DTNA: variants seen among roughly 807,000 people sequenced by gnomAD.
The protein encoded by DTNA is dystrobrevin alpha, also known as dystrophin-related protein 3.
Under a neutral mutation model 100.7 loss-of-function variants are expected in DTNA, and 43 were observed. The observed-to-expected ratio is 0.43, with a 90% CI of 0.33 to 0.55. The LOEUF (loss-of-function observed/expected upper bound fraction) is 0.55. Among genes scored for constraint, DTNA ranks in the 20% least tolerant of loss-of-function variants. DTNA has a pLI of 0.04. For synonymous variants in DTNA, 349 were observed against 347.9 expected (o/e 1.00, Z -0.04); for missense variants, 798 against 953.9 (o/e 0.84, Z 2.15).
At chr18:34,534,740 G>A (rs903902608) in intron 1 of DTNA, among the ~76,000 whole-genome samples, 16 of 152,160 alleles carry the variant, frequency 1.1e-4, no homozygotes, top group African/African-American at 2.9e-4. Context: ...GAGAATATGA[G>A]TGTTTGGTTT....
intron 1 of DTNA, among the ~76,000 whole-genome samples, chr18:34,583,323 C>A (rs28437228): frequency 1.3e-5 from 2 of 151,896 alleles, no homozygotes. Context: ...TCATGTTGCC[C>A]CCGTTGGCCC....
intron 5 of DTNA, among the ~76,000 whole-genome samples, 192 bp downstream of exon 5, chr18:34,806,496 A>G (rs1455510751): frequency 1.3e-5 from 2 of 152,224 alleles, no homozygotes; most frequent in East Asian, 3.9e-4. Context: ...TGCTAATGAA[A>G]TGAATGTTTT....
chr18:34,678,817 AC>A (rs1192532176), intron 1 of DTNA, among the ~76,000 whole-genome samples: 1 of 152,128 alleles, frequency 6.6e-6, no homozygotes, highest in Non-Finnish European at 1.5e-5. Flanking sequence ...AGCTTATAAA[AC>A]CATTCAGCTT....
chr18:34,697,719 G>C (rs531299603), intron 1 of DTNA, among the ~76,000 whole-genome samples: 1 of 152,096 alleles, frequency 6.6e-6, no homozygotes, highest in Non-Finnish European at 1.5e-5. Context: ...TGCAGGAGGA[G>C]GTGACAACTT....
chr18:34,868,649 T>C, intron 17 of DTNA: 1 of 985,468 alleles, frequency 1.0e-6, no homozygotes, highest in Non-Finnish European at 1.2e-6. Context: ...TAGTGTTTTA[T>C]TATACTGGCA....
chr18:34,662,847 C>T (rs890923384), intron 1 of DTNA: 1 of 152,154 alleles, frequency 6.6e-6, no homozygotes, highest in East Asian at 1.9e-4. Flanking sequence ...TATGCCCTTC[C>T]TTTTAGGACA....
chr18:34,686,350 G>C (rs796129818), intron 1 of DTNA, among the ~76,000 whole-genome samples: 4 of 152,194 alleles, frequency 2.6e-5, no homozygotes, highest in Admixed American at 1.3e-4. Context: ...TAGCATGAAG[G>C]GGTGTTGAAT....
intron 3 of DTNA, among the ~76,000 whole-genome samples, chr18:34,793,401 C>A (rs1402319565): frequency 6.6e-6 from 1 of 152,204 alleles, no homozygotes; most frequent in Non-Finnish European, 1.5e-5. Flanking sequence ...TTGTTCTTGA[C>A]CAGCCTAGTT....
At chr18:34,594,669 C>T (rs1216920431) in intron 1 of DTNA, among the ~76,000 whole-genome samples, 1 of 152,108 alleles carries the variant, frequency 6.6e-6, no homozygotes, top group African/African-American at 2.4e-5. Flanking sequence ...CTGTGTCACT[C>T]TTCTAAAATG....
chr18:34,503,407 C>T (rs2040150268), intron 1 of DTNA, among the ~76,000 whole-genome samples: 1 of 151,024 alleles, frequency 6.6e-6, no homozygotes, highest in Non-Finnish European at 1.5e-5. Context: ...CCAGCCTCAG[C>T]CTCCCGAGTA....
intron 1 of DTNA, among the ~76,000 whole-genome samples, chr18:34,582,735 A>G (rs1168735681): frequency 2.0e-5 from 3 of 152,182 alleles, no homozygotes; most frequent in African/African-American, 4.8e-5. Context: ...AGGTAGCTTC[A>G]ATGTTGATGG....
At chr18:34,725,948 G>T (rs1298995626) in intron 1 of DTNA, among the ~76,000 whole-genome samples, 3 of 152,100 alleles carry the variant, frequency 2.0e-5, no homozygotes, top group Non-Finnish European at 4.4e-5. Flanking sequence ...ATCCTTTTCG[G>T]GGACATGTAT....
chr18:34,796,587 G>A (rs566281846), intron 4 of DTNA, among the ~76,000 whole-genome samples: 45 of 151,990 alleles, frequency 3.0e-4, no homozygotes, highest in Non-Finnish European at 5.3e-4. Context: ...CCCATTTGTC[G>A]TATTTTAAAT....
At chr18:34,588,045 G>A (rs1010533733) in intron 1 of DTNA, among the ~76,000 whole-genome samples, 6 of 152,094 alleles carry the variant, frequency 3.9e-5, no homozygotes, top group South Asian at 2.1e-4. Context: ...TTGTATAGAC[G>A]AGTAAAACTG....
intron 1 of DTNA, among the ~76,000 whole-genome samples, chr18:34,676,643 T>C (rs1288372141): frequency 1.3e-5 from 2 of 152,150 alleles, no homozygotes; most frequent in South Asian, 2.1e-4. Context: ...GAGACCAGCC[T>C]GGGCAACATA....
intron 1 of DTNA, among the ~76,000 whole-genome samples, chr18:34,751,642 C>G (rs1024660813): frequency 6.6e-6 from 1 of 152,232 alleles, no homozygotes; most frequent in African/African-American, 2.4e-5. Context: ...CCTTCCTCCA[C>G]TCTTTTTCAT....
intron 1 of DTNA, among the ~76,000 whole-genome samples, chr18:34,555,859 T>G (rs1355946041): frequency 6.6e-6 from 1 of 152,182 alleles, no homozygotes; most frequent in Non-Finnish European, 1.5e-5. Context: ...TGATTTGGAG[T>G]GGAGAGTTCT....
At chr18:34,564,066 T>G (rs2046873930) in intron 1 of DTNA, among the ~76,000 whole-genome samples, 1 of 152,168 alleles carries the variant, frequency 6.6e-6, no homozygotes, top group Middle Eastern at 3.2e-3. Flanking sequence ...ATGCTGTACA[T>G]TAGGTCTCCA....
intron 11 of DTNA, among the ~76,000 whole-genome samples, chr18:34,831,343 A>G (rs188942812): frequency 4.6e-5 from 7 of 152,346 alleles, no homozygotes; most frequent in African/African-American, 1.7e-4. Flanking sequence ...TGACTATTCT[A>G]TATAACATCT....
Sources: gnomAD v4.1 joint callset for allele counts (sites outside exome capture counted in the v4.1 genomes callset) on GRCh38, gnomAD v4.1.1 for gene constraint, MANE v1.5 for transcripts, NCBI Gene and HGNC (gene_info 2026-07-23, HGNC 2026-07-21) for gene names.